The following NAALADL2 variants were observed in gnomAD, a reference collection of about 807,000 sequenced individuals.
NAALADL2 encodes the protein inactive N-acetylated-alpha-linked acidic dipeptidase-like protein 2.
A neutral mutation model predicts 87.2 loss-of-function variants in NAALADL2; 76 were observed. The ratio of observed to expected loss-of-function variants is 0.87; its 90% CI spans 0.72 to 1.05. NAALADL2 has a LOEUF of 1.05. Ranked by LOEUF, NAALADL2 falls within the 50% of genes least tolerant of loss-of-function variation. The pLI, the probability that NAALADL2 is intolerant of heterozygous loss-of-function variation, is 0.00. For missense variants in NAALADL2, 1,089 were observed against 945.8 expected, an observed-to-expected ratio of 1.15 and a Z score of -1.99; for synonymous variants, 354 against 331.0, an observed-to-expected ratio of 1.07 and a Z score of -0.75.
chr3:175,073,812 A>G (rs1716088859), intron 1 of NAALADL2, among the ~76,000 whole-genome samples: 1 of 152,058 alleles, frequency 6.6e-6, no homozygotes, highest in Admixed American at 6.6e-5. Flanking sequence ...AGTTTGATGT[A>G]TTCCTTATAA....
At chr3:175,110,532 G>C (rs1030505696) in intron 2 of NAALADL2, among the ~76,000 whole-genome samples, 2 of 151,768 alleles carry the variant, frequency 1.3e-5, no homozygotes. Flanking sequence ...AAAGAGGGAA[G>C]AAGTTGGGCC....
chr3:175,755,193 T>A (rs1249609666), intron 12 of NAALADL2, 27 bp from the exon 13 acceptor site: 1 of 1,591,300 alleles, frequency 6.3e-7, no homozygotes, highest in Non-Finnish European at 8.6e-7. Context: ...ATGTCTCTTC[T>A]GAGATGGGCT....
intron 9 of NAALADL2, among the ~76,000 whole-genome samples, chr3:175,514,885 G>C (rs932234895): frequency 5.9e-5 from 9 of 152,194 alleles, no homozygotes; most frequent in African/African-American, 1.7e-4. Flanking sequence ...TTTCTAAGCA[G>C]ATTCTGCCTG....
intron 5 of NAALADL2, among the ~76,000 whole-genome samples, chr3:175,351,851 G>T (rs893850348): frequency 6.6e-6 from 1 of 152,062 alleles, no homozygotes; most frequent in African/African-American, 2.4e-5. Flanking sequence ...CCATTTGGGG[G>T]TGGCGAATGT....
intron 2 of NAALADL2, among the ~76,000 whole-genome samples, chr3:174,610,682 A>G (rs1365549839): frequency 6.6e-6 from 1 of 152,038 alleles, no homozygotes; most frequent in Non-Finnish European, 1.5e-5. Context: ...GCTGGAGAGG[A>G]TGTGGAGAAA....
At chr3:175,019,717 C>CTGGTAGCCTAA (rs1751325639) in intron 1 of NAALADL2, among the ~76,000 whole-genome samples, 1 of 152,070 alleles carries the variant, frequency 6.6e-6, no homozygotes, top group African/African-American at 2.4e-5. Context: ...CTAACTACAT[C>CTGGTAGCCTAA]CTACTTAAGA....
intron 1 of NAALADL2, among the ~76,000 whole-genome samples, chr3:174,925,188 G>T (rs1298180235): frequency 6.6e-6 from 1 of 152,092 alleles, no homozygotes; most frequent in Non-Finnish European, 1.5e-5. Flanking sequence ...TTCTTCTAGG[G>T]TTTTTATGGT....
At chr3:174,689,002 CAA>C (rs879774715) in intron 2 of NAALADL2, among the ~76,000 whole-genome samples, 1 of 136,854 alleles carries the variant, frequency 7.3e-6, no homozygotes, top group Non-Finnish European at 1.6e-5. Context: ...ACTACATCAG[CAA>C]AAAAAAAAAA....
At chr3:175,291,016 T>G (rs994146645) in intron 4 of NAALADL2, among the ~76,000 whole-genome samples, 8 of 152,190 alleles carry the variant, frequency 5.3e-5, no homozygotes, top group African/African-American at 1.9e-4. Context: ...TGTATACATT[T>G]ATTTCATTAT....
At chr3:175,166,711 A>G (rs1734058003) in intron 2 of NAALADL2, among the ~76,000 whole-genome samples, 1 of 151,986 alleles carries the variant, frequency 6.6e-6, no homozygotes, top group Non-Finnish European at 1.5e-5. Flanking sequence ...TCTGCTGATT[A>G]CACCTATATT....
chr3:175,738,060 G>A (rs1332856826), intron 12 of NAALADL2, among the ~76,000 whole-genome samples: 1 of 151,868 alleles, frequency 6.6e-6, no homozygotes, highest in Non-Finnish European at 1.5e-5. Flanking sequence ...GCAGTATTGT[G>A]ATTAAAGATT....
intron 5 of NAALADL2, among the ~76,000 whole-genome samples, chr3:175,417,817 C>G (rs1581797253): frequency 6.6e-6 from 1 of 152,114 alleles, no homozygotes; most frequent in East Asian, 1.9e-4. Context: ...AACCTATAAA[C>G]ACTGTGACGT....
chr3:175,727,177 C>T (rs1219837201), intron 11 of NAALADL2, among the ~76,000 whole-genome samples: 1 of 152,090 alleles, frequency 6.6e-6, no homozygotes, highest in Non-Finnish European at 1.5e-5. Flanking sequence ...GCAGGGAAGG[C>T]ATGCTCCAGG....
rs192121584 is a variant in NAALADL2, at chr3:175,609,816, C to G, written c.1801-17475C>G. 9.2e-5 allele frequency among the ~76,000 whole-genome samples: 14 copies of G among 152,214 alleles called. No individual in the cohort carries two copies. In the East Asian group the frequency reaches 2.7e-3, roughly 29 times the overall value. On this transcript the variant is annotated intron_variant, in intron 10 of 13. Transcript: ENST00000454872. ...TCACTAGTCACCTTTGTATTGTGAA[C>G]GACTTGCAGTTTTGATGAGGAGTTT...
chr3:175,748,447 T>A (rs1476891177), intron 12 of NAALADL2, among the ~76,000 whole-genome samples: 1 of 152,214 alleles, frequency 6.6e-6, no homozygotes, highest in African/African-American at 2.4e-5. Flanking sequence ...AATCTTCTAC[T>A]CTTTTAACCA....
At chr3:175,199,642 C>T (rs548720971) in intron 2 of NAALADL2, among the ~76,000 whole-genome samples, 1 of 150,756 alleles carries the variant, frequency 6.6e-6, no homozygotes, top group South Asian at 2.1e-4. Flanking sequence ...GCGTAGACTG[C>T]GTGGAGGGAG....
chr3:174,979,878 A>C (rs1744889435), intron 1 of NAALADL2, among the ~76,000 whole-genome samples: 1 of 152,168 alleles, frequency 6.6e-6, no homozygotes, highest in Non-Finnish European at 1.5e-5. Context: ...CATATCGATC[A>C]CTTTACATCC....
chr3:174,885,892 T>G (rs1730060507), intron 1 of NAALADL2, among the ~76,000 whole-genome samples: 4 of 25,788 alleles, frequency 1.6e-4, no homozygotes, highest in African/African-American at 2.4e-4. Context: ...TTTTTTTTTT[T>G]TTTTTTTTTT....
chr3:174,873,229 CTTTATTTATTTA>C (rs150711871), intron 1 of NAALADL2, among the ~76,000 whole-genome samples: 179 of 144,482 alleles, frequency 1.2e-3, no homozygotes, highest in Middle Eastern at 0.011. Context: ...GTGTACATGT[CTTTATTTATTTA>C]TTTATTTATT....
Sources: allele counts gnomAD v4.1 joint callset (sites outside exome capture counted in the v4.1 genomes callset), GRCh38; gene constraint gnomAD v4.1.1; transcripts MANE v1.5; gene names NCBI Gene and HGNC (gene_info 2026-07-23, HGNC 2026-07-21).